Variants in DAPK1 observed in about 807,000 individuals in gnomAD.
DAPK1 encodes the protein death associated protein kinase 1.
A neutral mutation model predicts 144.9 loss-of-function variants in DAPK1; 56 were observed. The observed-to-expected ratio is 0.39, with a 90% CI of 0.31 to 0.48. The LOEUF is 0.48. Ranked by LOEUF, DAPK1 falls within the 20% of genes least tolerant of loss-of-function variation. DAPK1 has a pLI of 0.95. For synonymous variants in DAPK1, 690 were observed against 749.0 expected (o/e 0.92, Z 1.29); for missense variants, 1,454 against 1,875.4 (o/e 0.78, Z 4.15).
chr9:87,648,654 A>C (rs1457500790), intron 14 of DAPK1, 127 bp from the exon 15 acceptor site: 1 of 773,920 alleles, frequency 1.3e-6, no homozygotes, highest in Non-Finnish European at 2.2e-6. Flanking sequence ...CATCTGCCCA[A>C]GGTGGGTGGG....
intron 24 of DAPK1, chr9:87,701,768 C>A: frequency 7.8e-6 from 3 of 385,696 alleles, no homozygotes; most frequent in Non-Finnish European, 1.1e-5. Flanking sequence ...AAATGCTGTG[C>A]TTCCCGCACC....
chr9:87,649,859 G>A (rs1830385092), intron 15 of DAPK1, 62 bp from the exon 16 acceptor site: 1 of 1,560,860 alleles, frequency 6.4e-7, no homozygotes, highest in East Asian at 2.2e-5. Context: ...CTCTCACCTT[G>A]CTTTATACTT....
Position 87,658,078 on chromosome 9 carries a change from TG to T in DAPK1, c.1876del (p.Val626SerfsTer6). ...GCGGCCAACAACGGAATCCTAGACG[TG>T]GTCCGGTATCTCTGTCTGATGGGAG... ...HLAANNGILDVVRYLCLMGAS... is the reference protein window; with the variant it reads ...HLAANNGILDXVRYLCLMGAS... On this transcript the variant is annotated frameshift_variant, in exon 18 of 26. Coordinates refer to ENST00000408954, the MANE Select transcript of DAPK1 (RefSeq NM_004938.4). LOFTEE classifies it high-confidence loss of function. 6.4e-7 allele frequency: 1 copy of T among 1,550,464 alleles called. No homozygotes were observed. The highest frequency in any genetic ancestry group is 8.9e-7 in the Non-Finnish European group (1 of 1,122,576).
chr9:87,499,237 C>T (rs530608464), intron 2 of DAPK1, 98 bp downstream of exon 2: 14 of 1,094,456 alleles, frequency 1.3e-5, no homozygotes, highest in Middle Eastern at 2.0e-4. Flanking sequence ...TCAGGCGTCT[C>T]CCTCGCCCTT....
intron 2 of DAPK1, among the ~76,000 whole-genome samples, chr9:87,601,177 C>T (rs1444935938): frequency 1.3e-5 from 2 of 152,208 alleles, no homozygotes; most frequent in African/African-American, 4.8e-5. Context: ...CAAATTAGAC[C>T]TCACAAAGCA....
chr9:87,632,548 G>A (rs1392051981), intron 3 of DAPK1: 6 of 972,360 alleles, frequency 6.2e-6, no homozygotes, highest in East Asian at 1.2e-4. Flanking sequence ...GAGTATACAT[G>A]TAGGGATGAA....
At chr9:87,689,566 G>A (rs1481368065) in intron 21 of DAPK1, among the ~76,000 whole-genome samples, 1 of 152,044 alleles carries the variant, frequency 6.6e-6, no homozygotes, top group Non-Finnish European at 1.5e-5. Context: ...GTGCTTTTGA[G>A]GTTTTATCCA....
chr9:87,555,292 C>G (rs1482163907), intron 2 of DAPK1, among the ~76,000 whole-genome samples: 1 of 152,152 alleles, frequency 6.6e-6, no homozygotes, highest in Non-Finnish European at 1.5e-5. Context: ...ACAATTAGGT[C>G]CCAGCTAAGC....
chr9:87,511,215 C>G (rs1268945356), intron 2 of DAPK1, among the ~76,000 whole-genome samples: 1 of 152,300 alleles, frequency 6.6e-6, no homozygotes, highest in African/African-American at 2.4e-5. Flanking sequence ...TTCCATTTTT[C>G]TAGGTATCCT....
chr9:87,677,419 C>T (rs1171998607), intron 19 of DAPK1, among the ~76,000 whole-genome samples: 1 of 152,184 alleles, frequency 6.6e-6, no homozygotes, highest in Non-Finnish European at 1.5e-5. Context: ...CTGTGGGATT[C>T]CTGCAGAAGG....
intron 17 of DAPK1, among the ~76,000 whole-genome samples, chr9:87,654,618 G>T (rs1231133193): frequency 3.4e-4 from 51 of 152,198 alleles, no homozygotes; most frequent in Admixed American, 3.3e-3. Flanking sequence ...AGTGGCTTAA[G>T]GGGAAAGCCA....
chr9:87,569,314 G>C (rs927013050), intron 2 of DAPK1, among the ~76,000 whole-genome samples: 7 of 152,210 alleles, frequency 4.6e-5, no homozygotes, highest in African/African-American at 1.4e-4. Context: ...TTAAAATGCA[G>C]GTTGCTGGGC....
At chr9:87,700,286 G>C in intron 24 of DAPK1, 49 bp downstream of exon 24, 3 of 1,538,108 alleles carry the variant, frequency 2.0e-6, no homozygotes, top group Non-Finnish European at 2.7e-6. Context: ...TTCCTTCCTG[G>C]TTTGCCTCTG....
At chr9:87,633,482 A>G (rs1564033419) in intron 3 of DAPK1, 1 of 628,012 alleles carries the variant, frequency 1.6e-6, no homozygotes, top group Non-Finnish European at 2.0e-6. Context: ...CTGGACAGCC[A>G]TGACATGGAC....
At chr9:87,652,881 T>C (rs1357823539) in intron 17 of DAPK1, among the ~76,000 whole-genome samples, 4 of 142,670 alleles carry the variant, frequency 2.8e-5, no homozygotes, top group Non-Finnish European at 4.6e-5. Context: ...GGGTCCTGAT[T>C]CTGTGTGCTC....
intron 2 of DAPK1, among the ~76,000 whole-genome samples, chr9:87,521,717 A>G (rs1825304942): frequency 6.6e-6 from 1 of 152,196 alleles, no homozygotes. Context: ...GAAAGAGAAG[A>G]CCTTCTTATC....
chr9:87,571,476 A>ACACACACCCCCAC lies in DAPK1; in HGVS notation c.63-33478_63-33477insCACACACCCCCAC, dbSNP rs771023885. On this transcript the variant is annotated intron_variant, in intron 2 of 25. Coordinates refer to ENST00000408954, the MANE Select transcript of DAPK1 (RefSeq NM_004938.4). ...ACACACACACACACACACACACACC[A>ACACACACCCCCAC]ACACACACACACACACACCCCAACA... 1.2e-4 allele frequency among the ~76,000 whole-genome samples: 6 copies of ACACACACCCCCAC among 48,546 alleles called. 2 individuals carry two copies. The highest frequency in any genetic ancestry group is 5.5e-4 in the African/African-American group (6 of 10,860). 31.8% of individuals were successfully genotyped at this position (48,546 alleles called of 152,430 possible).
chr9:87,580,421 C>G (rs201993595), intron 2 of DAPK1, among the ~76,000 whole-genome samples: 4 of 152,108 alleles, frequency 2.6e-5, no homozygotes, highest in East Asian at 3.9e-4. Flanking sequence ...AACCTACATG[C>G]GGGTGGTTCC....
chr9:87,508,829 C>T (rs1484387422), intron 2 of DAPK1, among the ~76,000 whole-genome samples: 1 of 152,054 alleles, frequency 6.6e-6, no homozygotes, highest in Non-Finnish European at 1.5e-5. Context: ...TATGTCTATC[C>T]AGGACTGGGC....
Sources: gnomAD v4.1 joint callset for allele counts (sites outside exome capture counted in the v4.1 genomes callset) on GRCh38, gnomAD v4.1.1 for gene constraint, MANE v1.5 for transcripts, NCBI Gene and HGNC (gene_info 2026-07-23, HGNC 2026-07-21) for gene names.